Variants in ARFGEF1 observed in about 807,000 individuals in gnomAD.
ARFGEF1 encodes ARF guanine nucleotide exchange factor 1.
ARFGEF1 carries 42 observed loss-of-function variants against 231.0 expected under a neutral mutation model. The observed-to-expected ratio is 0.18, with a 90% CI of 0.14 to 0.24. The LOEUF (loss-of-function observed/expected upper bound fraction) is 0.24, where lower values mean the gene tolerates loss of function less well. ARFGEF1 is among the 10% of genes least tolerant of loss of function. The pLI is 1.00. For missense variants in ARFGEF1, 1,345 were observed against 2,192.0 expected (o/e 0.61, Z 7.72); for synonymous variants, 710 against 732.3 (o/e 0.97, Z 0.49).
chr8:67,281,876 G>A (rs1337879089), intron 7 of ARFGEF1, among the ~76,000 whole-genome samples: 2 of 152,032 alleles, frequency 1.3e-5, no homozygotes, highest in East Asian at 3.8e-4. Flanking sequence ...ATGTGCATGA[G>A]CCAAAGGAAG....
intron 32 of ARFGEF1, 78 bp downstream of exon 32, chr8:67,217,704 C>T: frequency 1.4e-6 from 2 of 1,458,326 alleles, no homozygotes; most frequent in East Asian, 2.3e-5. Flanking sequence ...TAGTCACTAT[C>T]AAACTTTTAA....
At chr8:67,311,493 G>A (rs1451172025) in intron 1 of ARFGEF1, among the ~76,000 whole-genome samples, 4 of 138,510 alleles carry the variant, frequency 2.9e-5, no homozygotes, top group African/African-American at 8.2e-5. Context: ...CTGGCCAGCC[G>A]CCCCGTCCGG....
chr8:67,284,133 A>G (rs534492492), intron 7 of ARFGEF1, among the ~76,000 whole-genome samples: 1 of 152,350 alleles, frequency 6.6e-6, no homozygotes, highest in South Asian at 2.1e-4. Context: ...ATAAGGTAGT[A>G]TTATGCAGAA....
At chr8:67,298,910 T>C (rs1042437556) in intron 4 of ARFGEF1, among the ~76,000 whole-genome samples, 10 of 152,252 alleles carry the variant, frequency 6.6e-5, no homozygotes, top group Non-Finnish European at 1.2e-4. Flanking sequence ...GAACTACAGG[T>C]GCCCACCATC....
chr8:67,203,798 C>T (rs1248934909), intron 35 of ARFGEF1, among the ~76,000 whole-genome samples: 1 of 152,214 alleles, frequency 6.6e-6, no homozygotes, highest in Non-Finnish European at 1.5e-5. Flanking sequence ...CAGTGAGAAA[C>T]CAGAAGCTGG....
intron 1 of ARFGEF1, among the ~76,000 whole-genome samples, chr8:67,314,419 G>C (rs1807211929): frequency 6.6e-6 from 1 of 152,130 alleles, no homozygotes; most frequent in African/African-American, 2.4e-5. Flanking sequence ...GGCTGCTTGG[G>C]GACCCAGCAA....
chr8:67,327,971 A>G (rs895575171), intron 1 of ARFGEF1, among the ~76,000 whole-genome samples: 4 of 152,204 alleles, frequency 2.6e-5, no homozygotes, highest in Non-Finnish European at 5.9e-5. Context: ...ACTTGTACAT[A>G]TATCTTTGTA....
chr8:67,307,135 C>G (rs983360216), intron 1 of ARFGEF1, among the ~76,000 whole-genome samples: 1 of 152,236 alleles, frequency 6.6e-6, no homozygotes, highest in East Asian at 1.9e-4. Flanking sequence ...AGCATTGTCT[C>G]CTTCAAAGCA....
chr8:67,306,960 G>GTA (rs1241350961), intron 1 of ARFGEF1, among the ~76,000 whole-genome samples: 2 of 152,156 alleles, frequency 1.3e-5, no homozygotes, highest in African/African-American at 4.8e-5. Context: ...TGTATTTTTA[G>GTA]TAGAGACGAG....
At chr8:67,229,045 G>T (rs964507050) in intron 23 of ARFGEF1, among the ~76,000 whole-genome samples, 1 of 152,050 alleles carries the variant, frequency 6.6e-6, no homozygotes, top group Non-Finnish European at 1.5e-5. Flanking sequence ...GCAGGAGCAG[G>T]TCACAGTAGT....
intron 1 of ARFGEF1, among the ~76,000 whole-genome samples, chr8:67,317,111 G>GGA (rs1312543712): frequency 6.6e-6 from 1 of 152,172 alleles, no homozygotes; most frequent in Non-Finnish European, 1.5e-5. Flanking sequence ...TGAGCTGAGA[G>GGA]GGTAAAGCAT....
In ARFGEF1 at chr8:67,343,156, C is replaced by G; in HGVS notation, c.124+8G>C. ...GCACCCCATCCCCCGGGCCTCCTCC[C>G]CGCTCACCTAACGCCACCTCGCAAG... On this transcript the variant is annotated splice_region_variant and intron_variant, in intron 1 of 38. Transcript: ENST00000262215. 6.2e-7 allele frequency: 1 copy of G among 1,607,708 alleles called. No individual in the cohort carries two copies. Among genetic ancestry groups the G allele is most frequent in the Non-Finnish European group, 8.5e-7 (1 of 1,177,994 alleles).
chr8:67,324,938 A>C (rs993811416), intron 1 of ARFGEF1, among the ~76,000 whole-genome samples: 1 of 149,584 alleles, frequency 6.7e-6, no homozygotes, highest in African/African-American at 2.5e-5. Context: ...TTTGAGACAG[A>C]GTTTCACTCT....
chr8:67,177,518 G>A (rs1353088587), intron 5 of ARFGEF1, among the ~76,000 whole-genome samples: 2 of 152,182 alleles, frequency 1.3e-5, no homozygotes, highest in Non-Finnish European at 2.9e-5. Flanking sequence ...TGGATGCAGG[G>A]CTATGTTTTT....
At chr8:67,232,823 C>A in intron 23 of ARFGEF1, 32 bp downstream of exon 23, 1 of 1,493,618 alleles carries the variant, frequency 6.7e-7, no homozygotes. Context: ...AAATAGTAAT[C>A]ATCTGAAAAG....
intron 1 of ARFGEF1, among the ~76,000 whole-genome samples, chr8:67,312,562 G>A (rs7818520): frequency 0.47 from 70,684 of 151,990 alleles, 17,985 homozygotes; most frequent in African/African-American, 0.69. Flanking sequence ...CACAAGATCT[G>A]TCCTAAAAGA....
At chr8:67,177,142 T>C (rs1423527593) in intron 5 of ARFGEF1, among the ~76,000 whole-genome samples, 3 of 151,394 alleles carry the variant, frequency 2.0e-5, no homozygotes, top group African/African-American at 4.9e-5. Flanking sequence ...TTAAAATATC[T>C]GAGAAGGAAT....
Position 67,301,358 on chromosome 8 carries a change from C to T in ARFGEF1, c.178G>A (p.Ala60Thr), listed in dbSNP as rs745773603. The T allele has an allele frequency of 1.1e-4, 184 of 1,613,140 alleles. No homozygotes were observed. Among genetic ancestry groups the T allele is most frequent in the Non-Finnish European group, 1.5e-4 (182 of 1,179,722 alleles). Residue 60 changes from alanine to threonine, a missense_variant, in exon 3 of 39, where the codon GCT (alanine) becomes ACT (threonine). By Grantham distance (58) the Ala-to-Thr change is moderately conservative. Transcript: ENST00000262215. ...ACTGGTGGAAGGGTGCTTGATCCAG[C>T]TTTTGCTTCTCCATGAGGAGGACTA... ...KQSPPHGEAK[A>T]GSSTLPPVKS...
chr8:67,322,112 C>T (rs1807624602), intron 1 of ARFGEF1, among the ~76,000 whole-genome samples: 2 of 152,174 alleles, frequency 1.3e-5, no homozygotes, highest in African/African-American at 4.8e-5. Context: ...CCACTATGTC[C>T]AACAGGTACC....
Sources: allele counts gnomAD v4.1 joint callset (sites outside exome capture counted in the v4.1 genomes callset), GRCh38; gene constraint gnomAD v4.1.1; transcripts MANE v1.5; gene names NCBI Gene and HGNC (gene_info 2026-07-23, HGNC 2026-07-21).